The following CHKA variants were observed in gnomAD, a reference collection of about 807,000 sequenced individuals.
CHKA encodes CHETK-alpha.
Under a neutral mutation model 60.1 loss-of-function variants are expected in CHKA, and 34 were observed. The ratio of observed to expected loss-of-function variants is 0.57; its 90% CI spans 0.43 to 0.75. The LOEUF (loss-of-function observed/expected upper bound fraction) is 0.75. Among genes scored for constraint, CHKA ranks in the 30% least tolerant of loss-of-function variants. The pLI is 0.00. For missense variants in CHKA, 563 were observed against 561.3 expected, an observed-to-expected ratio of 1.00 and a Z score of -0.03; for synonymous variants, 217 against 223.1, an observed-to-expected ratio of 0.97 and a Z score of 0.24.
intron 1 of CHKA, among the ~76,000 whole-genome samples, chr11:68,103,694 C>A (rs189995731): frequency 9.9e-4 from 150 of 151,988 alleles, no homozygotes; most frequent in African/African-American, 3.6e-3. Context: ...GGCAGATCAC[C>A]TGAGGTCGGG....
At chr11:68,102,957 G>C (rs1857779885) in intron 1 of CHKA, among the ~76,000 whole-genome samples, 1 of 152,080 alleles carries the variant, frequency 6.6e-6, no homozygotes, top group Non-Finnish European at 1.5e-5. Context: ...CTGGGTGACA[G>C]AGCAAGACCC....
chr11:68,065,794 T>C lies in CHKA; in HGVS notation c.1117A>G (p.Lys373Glu), dbSNP rs1176781364. The change falls in exon 9 of 12, where the codon AAA becomes GAA. Residue 373 changes from lysine (K) to glutamate (E), a missense_variant. By Grantham distance (56) the Lys-to-Glu change is moderately conservative (BLOSUM62 1). Coordinates refer to ENST00000265689, the MANE Select transcript of CHKA (RefSeq NM_001277.3). ...AAAAACTCATCTCCTACCTGTTGTT[T>C]CTTGGTGGGATACTTCCGGATGTTT... Reference protein sequence around the residue: ...RANIRKYPTKKQQLHFISSYL... With the variant: ...RANIRKYPTKEQQLHFISSYL... The C allele has an allele frequency of 6.3e-7, 1 of 1,595,428 alleles. No individual in the cohort carries two copies. The highest frequency in any genetic ancestry group is 1.7e-5 in the Admixed American group (1 of 59,780).
At chr11:68,118,587 G>C (rs1858484730) in intron 1 of CHKA, among the ~76,000 whole-genome samples, 1 of 152,166 alleles carries the variant, frequency 6.6e-6, no homozygotes, top group African/African-American at 2.4e-5. Flanking sequence ...AAATGCCCTT[G>C]TGTCTTTTTT....
At chr11:68,090,511 T>C (rs1297426093) in intron 2 of CHKA, among the ~76,000 whole-genome samples, 1 of 152,240 alleles carries the variant, frequency 6.6e-6, no homozygotes, top group African/African-American at 2.4e-5. Flanking sequence ...GATTTCTCAG[T>C]AGCTGGTAGT....
intron 10 of CHKA, among the ~76,000 whole-genome samples, chr11:68,063,400 T>C (rs560638933): frequency 6.6e-6 from 1 of 151,830 alleles, no homozygotes; most frequent in South Asian, 2.1e-4. Context: ...CTTGGGAGGC[T>C]GAGGCAAGAG....
intron 7 of CHKA, among the ~76,000 whole-genome samples, chr11:68,068,174 G>A (rs1856501652): frequency 2.0e-5 from 3 of 152,174 alleles, no homozygotes. Context: ...AGGAGAGGAG[G>A]TGTTAGGATT....
chr11:68,113,233 A>C (rs943047490), intron 1 of CHKA, among the ~76,000 whole-genome samples: 32 of 151,862 alleles, frequency 2.1e-4, no homozygotes, highest in Non-Finnish European at 4.6e-4. Context: ...CACATCTGTG[A>C]ATACCCACTA....
chr11:68,111,278 G>C (rs1858127315), intron 1 of CHKA, among the ~76,000 whole-genome samples: 1 of 152,124 alleles, frequency 6.6e-6, no homozygotes, highest in African/African-American at 2.4e-5. Flanking sequence ...TGGGCGTGGT[G>C]GTGGGCGCCT....
chr11:68,061,003 C>T (rs186822939), intron 11 of CHKA, among the ~76,000 whole-genome samples: 15 of 152,162 alleles, frequency 9.9e-5, no homozygotes, highest in African/African-American at 3.6e-4. Context: ...TATCCCCCAC[C>T]CCAAGACAAC....
At chr11:68,066,743 C>A (rs1472266194) in intron 7 of CHKA, among the ~76,000 whole-genome samples, 1 of 152,214 alleles carries the variant, frequency 6.6e-6, no homozygotes, top group Non-Finnish European at 1.5e-5. Context: ...CCCCTGCTCA[C>A]AGCCCTAGTC....
intron 10 of CHKA, among the ~76,000 whole-genome samples, chr11:68,062,546 A>G (rs987354576): frequency 6.6e-6 from 1 of 152,198 alleles, no homozygotes; most frequent in African/African-American, 2.4e-5. Flanking sequence ...CAGATCAGAG[A>G]GCGTGAGCCA....
intron 4 of CHKA, among the ~76,000 whole-genome samples, chr11:68,072,492 AGCTGAGATCAG>A (rs1020253590): frequency 2.7e-5 from 4 of 147,164 alleles, no homozygotes; most frequent in Admixed American, 7.0e-5. Flanking sequence ...AGCTGCAGTG[AGCTGAGATCAG>A]GCCACTTATA....
rs1367455067 is a variant in CHKA, at chr11:68,105,019, G to A, written c.351-7889C>T. ...CTCAGGAGGCTGAGGCAGGAGAATCGCTTGAACCCGGGAGATGGAGGCTGC... is the reference window on the plus strand; with the variant it reads ...CTCAGGAGGCTGAGGCAGGAGAATCACTTGAACCCGGGAGATGGAGGCTGC... On this transcript the variant is annotated intron_variant, in intron 1 of 11. Transcript: ENST00000265689. Among the ~76,000 whole-genome samples the A allele has an allele frequency of 8.6e-5, 13 of 151,728 alleles. No individual in the cohort carries two copies. The East Asian group carries it at 1.4e-3, about 16-fold the overall frequency.
chr11:68,114,553 C>A (rs555336905), intron 1 of CHKA, among the ~76,000 whole-genome samples: 1 of 152,046 alleles, frequency 6.6e-6, no homozygotes, highest in South Asian at 2.1e-4. Context: ...AAAAATTAGC[C>A]AGGCGGGGTG....
chr11:68,068,793 C>A, intron 7 of CHKA, 86 bp downstream of exon 7: 1 of 855,502 alleles, frequency 1.2e-6, no homozygotes. Flanking sequence ...ACTCTTGATG[C>A]TACCTTACAT....
At chr11:68,067,094 A>G (rs1461157510) in intron 7 of CHKA, among the ~76,000 whole-genome samples, 1 of 152,120 alleles carries the variant, frequency 6.6e-6, no homozygotes, top group Non-Finnish European at 1.5e-5. Context: ...CTGGGTCAGG[A>G]GTTGGTCAGC....
At chr11:68,076,718 G>A (rs574140271) in intron 3 of CHKA, among the ~76,000 whole-genome samples, 12 of 152,066 alleles carry the variant, frequency 7.9e-5, no homozygotes, top group Admixed American at 4.6e-4. Flanking sequence ...GTGTGGCATC[G>A]TCAACACATG....
At chr11:68,077,739 TG>T (rs1301533348) in intron 3 of CHKA, among the ~76,000 whole-genome samples, 1 of 152,084 alleles carries the variant, frequency 6.6e-6, no homozygotes, top group Non-Finnish European at 1.5e-5. Flanking sequence ...AGCTATGGAC[TG>T]GGCTCACTGC....
intron 1 of CHKA, among the ~76,000 whole-genome samples, chr11:68,113,812 T>C (rs1192711218): frequency 6.6e-6 from 1 of 151,984 alleles, no homozygotes; most frequent in Non-Finnish European, 1.5e-5. Flanking sequence ...CTGGCCAACA[T>C]GGTGAAACCC....
Sources: gnomAD v4.1 joint callset for allele counts (sites outside exome capture counted in the v4.1 genomes callset) on GRCh38, gnomAD v4.1.1 for gene constraint, MANE v1.5 for transcripts, NCBI Gene and HGNC (gene_info 2026-07-23, HGNC 2026-07-21) for gene names.